The following TENM1 variants were observed in gnomAD, a reference collection of about 807,000 sequenced individuals.
TENM1 encodes the protein teneurin-1.
Under a neutral mutation model 174.8 loss-of-function variants are expected in TENM1, and 35 were observed. That is an observed-to-expected ratio of 0.20 (90% CI 0.15 to 0.27). TENM1 has a LOEUF of 0.27. TENM1 is among the 10% of genes least tolerant of loss of function. The probability of loss-of-function intolerance (pLI) is 1.00; values close to 1 mark genes in which losing one functional copy is unlikely to be tolerated. For missense variants in TENM1, 1,633 were observed against 2,130.1 expected (o/e 0.77, Z 4.59); for synonymous variants, 781 against 798.7 (o/e 0.98, Z 0.37).
chrX:125,120,242 A>C, the TENM1 span, among the ~76,000 whole-genome samples: 2 of 111,909 alleles, frequency 1.8e-5, no homozygotes, highest in East Asian at 2.8e-4. Flanking sequence ...TATTTTAATA[A>C]GTATATAAGC....
exon 31 of TENM1, chrX:124,382,803 C>T (rs1477270283): frequency 8.4e-7 from 1 of 1,193,533 alleles, no homozygotes. Flanking sequence ...CTCCAACCAA[C>T]TTCTGATGTC....
chrX:124,427,020 C>T (rs1184409646), intron 23 of TENM1, among the ~76,000 whole-genome samples: 1 of 111,820 alleles, frequency 8.9e-6, no homozygotes, highest in Non-Finnish European at 1.9e-5. Flanking sequence ...TGTCTGTGTG[C>T]ACTGGTCCTA....
At chrX:124,871,419 G>A (rs1158440824) in intron 3 of TENM1, among the ~76,000 whole-genome samples, 1 of 111,327 alleles carries the variant, frequency 9.0e-6, no homozygotes, top group Non-Finnish European at 1.9e-5. Flanking sequence ...AAGGAAGAGA[G>A]CTTTCAGGAT....
chrX:124,509,713 ATTTTTTTTTTT>A (rs753100747), intron 18 of TENM1, among the ~76,000 whole-genome samples: 2 of 75,884 alleles, frequency 2.6e-5, no homozygotes, highest in African/African-American at 1.2e-4. Flanking sequence ...ACTTTCTGGA[ATTTTTTTTTTT>A]TTTTTTTTTT....
At chrX:124,523,604 A>G in exon 17 of TENM1, 3 of 1,211,570 alleles carry the variant, frequency 2.5e-6, no homozygotes, top group Non-Finnish European at 3.4e-6. Flanking sequence ...CAGAGATGCC[A>G]CCGATGGCCA....
At chrX:124,468,542 A>G (rs1346449965) in intron 22 of TENM1, among the ~76,000 whole-genome samples, 1 of 112,145 alleles carries the variant, frequency 8.9e-6, no homozygotes, top group Non-Finnish European at 1.9e-5. Flanking sequence ...CCTTATCCCT[A>G]TCCTCTTTTT....
chrX:124,951,121 A>G (rs1377367661), intron 1 of TENM1, among the ~76,000 whole-genome samples: 2 of 111,896 alleles, frequency 1.8e-5, no homozygotes, highest in Non-Finnish European at 1.9e-5. Flanking sequence ...TCAAATATAC[A>G]TTTTGAATCA....
At chrX:124,422,781 G>A in intron 23 of TENM1, 143 bp from the exon 27 acceptor site, 4 of 518,680 alleles carry the variant, frequency 7.7e-6, no homozygotes, top group South Asian at 3.2e-5. Context: ...TCGGAAAGTG[G>A]AGGGCAGGGG....
At chrX:124,973,778 A>G in the TENM1 span, among the ~76,000 whole-genome samples, 1 of 111,998 alleles carries the variant, frequency 8.9e-6, no homozygotes, top group African/African-American at 3.3e-5. Context: ...GTTGCTTATC[A>G]TAAAAAAGGA....
chrX:124,998,680 T>A, the TENM1 span, among the ~76,000 whole-genome samples: 1 of 111,156 alleles, frequency 9.0e-6, no homozygotes, highest in African/African-American at 3.3e-5. Context: ...TTTCCTGAGG[T>A]TAAATGTCTG....
chrX:124,444,856 A>G (rs1024320592), intron 23 of TENM1, among the ~76,000 whole-genome samples: 1 of 111,215 alleles, frequency 9.0e-6, no homozygotes, highest in Non-Finnish European at 1.9e-5. Flanking sequence ...ATGTGACTTA[A>G]GAGGCATGAA....
At chrX:124,998,477 T>TA in the TENM1 span, among the ~76,000 whole-genome samples, 9,162 of 98,559 alleles carry the variant, frequency 0.093, 1,031 homozygotes, top group African/African-American at 0.3. Context: ...CAAGTATTTC[T>TA]AAAAAAAAAA....
At chrX:124,751,189 C>A (rs1454612510) in intron 3 of TENM1, among the ~76,000 whole-genome samples, 1 of 111,371 alleles carries the variant, frequency 9.0e-6, no homozygotes, top group Non-Finnish European at 1.9e-5. Flanking sequence ...AAAGTTTAAC[C>A]ACATTTACAA....
At chrX:124,770,661 G>C (rs1314467284) in intron 3 of TENM1, among the ~76,000 whole-genome samples, 1 of 110,035 alleles carries the variant, frequency 9.1e-6, no homozygotes, top group Non-Finnish European at 1.9e-5. Flanking sequence ...CTCCCACCTG[G>C]GCCTCCCAAA....
At chrX:124,419,479 G>A (rs900121718) in intron 25 of TENM1, among the ~76,000 whole-genome samples, 5 of 111,714 alleles carry the variant, frequency 4.5e-5, no homozygotes, top group Non-Finnish European at 5.6e-5. Context: ...TGCTTCCCGA[G>A]TGCCAAAAGA....
intron 11 of TENM1, among the ~76,000 whole-genome samples, chrX:124,567,990 T>C (rs2048977649): frequency 8.9e-6 from 1 of 112,300 alleles, no homozygotes; most frequent in African/African-American, 3.2e-5. Flanking sequence ...TATAACATTC[T>C]GATTTCTGTT....
chrX:124,684,384 T>TC (rs1304831831), intron 5 of TENM1, among the ~76,000 whole-genome samples: 1 of 112,612 alleles, frequency 8.9e-6, no homozygotes, highest in Non-Finnish European at 1.9e-5. Context: ...AATACTACTC[T>TC]CCCAGGCTTA....
the TENM1 span, among the ~76,000 whole-genome samples, chrX:124,977,392 T>C: frequency 8.9e-6 from 1 of 111,875 alleles, no homozygotes; most frequent in East Asian, 2.8e-4. Flanking sequence ...AAGTACTAGA[T>C]CAAATTACTG....
intron 22 of TENM1, among the ~76,000 whole-genome samples, chrX:124,473,377 G>T (rs1258036836): frequency 9.0e-6 from 1 of 111,341 alleles, no homozygotes; most frequent in Non-Finnish European, 1.9e-5. Flanking sequence ...TTTTGGCAGG[G>T]GTGGTGAGGA....
Sources: gnomAD v4.1 joint callset for allele counts (sites outside exome capture counted in the v4.1 genomes callset) on GRCh38, gnomAD v4.1.1 for gene constraint, MANE v1.5 for transcripts, NCBI Gene and HGNC (gene_info 2026-07-23, HGNC 2026-07-21) for gene names.